The following DYTN variants were observed in gnomAD, a reference collection of about 807,000 sequenced individuals.
DYTN encodes dystrotelin.
DYTN carries 75 observed loss-of-function variants against 69.6 expected under a neutral mutation model. That is an observed-to-expected ratio of 1.08 (90% CI 0.89 to 1.31). DYTN has a LOEUF of 1.31. Among genes scored for constraint, DYTN ranks in the 50% most tolerant of loss-of-function variants. The pLI, the probability that DYTN is intolerant of heterozygous loss-of-function variation, is 0.00. For synonymous variants in DYTN, 252 were observed against 249.1 expected (o/e 1.01, Z -0.11); for missense variants, 726 against 688.4 (o/e 1.05, Z -0.61).
chr2:206,653,370 A>G (rs1159157333), intron 11 of DYTN, among the ~76,000 whole-genome samples: 1 of 152,212 alleles, frequency 6.6e-6, no homozygotes, highest in Non-Finnish European at 1.5e-5. Flanking sequence ...GTTGCTTGGC[A>G]TATATTTGGA....
rs35200393 is a variant in DYTN at position 206,666,860 on chromosome 2, T to TACACACAC, written c.981-839_981-832dup. Among the ~76,000 whole-genome samples, 1,009 of 137,542 alleles carry TACACACAC rather than the reference T, an allele frequency of 7.3e-3. 18 individuals carry two copies. Among genetic ancestry groups the TACACACAC allele is most frequent in the African/African-American group, 0.025 (929 of 37,422 alleles). 90.2% of individuals were successfully genotyped at this position (137,542 alleles called of 152,430 possible). ...AGGCAACATGGCAAGACCTCATCTC[T>TACACACAC]ACACACACACACACACACACACACA... On this transcript the variant is annotated intron_variant, in intron 9 of 11. Transcript: ENST00000452335.
Position 206,699,833 on chromosome 2 carries a change from G to A in DYTN, c.613C>T (p.Pro205Ser), listed in dbSNP as rs765661336. 2 of 1,613,778 alleles carry A rather than the reference G, an allele frequency of 1.2e-6. No homozygotes were observed. The highest frequency in any genetic ancestry group is 2.7e-5 in the African/African-American group (2 of 74,922). Residue 205 changes from proline (P) to serine (S), a missense_variant, in exon 7 of 12, where the codon CCC (proline) becomes TCC (serine). Physicochemically the swap from Pro to Ser is moderately conservative, Grantham distance 74 (BLOSUM62 -1). Transcript: ENST00000452335. ...CAGGTCGGGAGCCACAGGAGGATGG[G>A]AGGCTCAGATTGGACCCAAGACAGG... ...KFLSWVQSEP[P>S]ILLWLPTCHR...
chr2:206,656,744 C>T (rs1699453859), intron 11 of DYTN, among the ~76,000 whole-genome samples: 1 of 151,448 alleles, frequency 6.6e-6, no homozygotes, highest in Non-Finnish European at 1.5e-5. Flanking sequence ...TTTTAGTTCC[C>T]ATACACTTTT....
At chr2:206,685,284 C>T (rs1207724443) in intron 9 of DYTN, among the ~76,000 whole-genome samples, 4 of 152,062 alleles carry the variant, frequency 2.6e-5, no homozygotes, top group Non-Finnish European at 5.9e-5. Flanking sequence ...ATCTCAGCCA[C>T]CTGAATAGCG....
intron 1 of DYTN, among the ~76,000 whole-genome samples, chr2:206,711,633 G>A (rs1004128806): frequency 7.3e-5 from 11 of 151,244 alleles, no homozygotes; most frequent in Non-Finnish European, 1.5e-4. Flanking sequence ...TGTGCACAAT[G>A]TGCAGGTTAG....
At position 206,713,283 on chromosome 2, in the gene DYTN, A is replaced by G. The variant is rs138698923; in HGVS notation, c.20-2685T>C. On this transcript the variant is annotated intron_variant, in intron 1 of 11. Coordinates refer to ENST00000452335, the MANE Select transcript of DYTN (RefSeq NM_001093730.1). ...TCTATTCTCTTAGCAATTTTCAAGAATATAATACATTGTTATTAACTATAG... is the reference window on the plus strand; with the variant it reads ...TCTATTCTCTTAGCAATTTTCAAGAGTATAATACATTGTTATTAACTATAG... Among the ~76,000 whole-genome samples the G allele has an allele frequency of 7.9e-5, 12 of 152,324 alleles. No homozygotes were observed. The East Asian group carries it at 1.9e-3, about 24-fold the overall frequency.
chr2:206,673,007 C>T (rs897025454), intron 9 of DYTN, among the ~76,000 whole-genome samples: 8 of 152,134 alleles, frequency 5.3e-5, no homozygotes, highest in African/African-American at 1.9e-4. Context: ...ATGGGGGTTG[C>T]TGTACAGATT....
At chr2:206,666,460 C>T (rs1458075643) in intron 9 of DYTN, among the ~76,000 whole-genome samples, 1 of 152,134 alleles carries the variant, frequency 6.6e-6, no homozygotes, top group East Asian at 1.9e-4. Flanking sequence ...TTTCAGAAAA[C>T]TCACCACGCA....
intron 9 of DYTN, among the ~76,000 whole-genome samples, chr2:206,689,459 G>T (rs1699842341): frequency 6.6e-6 from 1 of 152,124 alleles, no homozygotes; most frequent in Non-Finnish European, 1.5e-5. Flanking sequence ...AAAGTCTAGG[G>T]TACACTGAAA....
At chr2:206,672,037 A>G (rs1445018940) in intron 9 of DYTN, among the ~76,000 whole-genome samples, 1 of 152,218 alleles carries the variant, frequency 6.6e-6, no homozygotes, top group Non-Finnish European at 1.5e-5. Flanking sequence ...GCATGCGCGT[A>G]CACACATACA....
intron 9 of DYTN, among the ~76,000 whole-genome samples, chr2:206,670,738 T>C (rs191859699): frequency 6.6e-6 from 1 of 152,312 alleles, no homozygotes; most frequent in Non-Finnish European, 1.5e-5. Flanking sequence ...ATGCTCAAAG[T>C]ACAACTGCAT....
At chr2:206,670,666 T>A (rs893010089) in intron 9 of DYTN, 1 of 152,208 alleles carries the variant, frequency 6.6e-6, no homozygotes, top group Non-Finnish European at 1.5e-5. Flanking sequence ...AGAAATTCAA[T>A]CTATTTCAAA....
At chr2:206,711,709 G>A (rs7566632) in intron 1 of DYTN, among the ~76,000 whole-genome samples, 122,308 of 151,012 alleles carry the variant, frequency 0.81, 50,236 homozygotes, top group African/African-American at 0.93. Flanking sequence ...AACATTAGGT[G>A]TATCTCCCAA....
intron 1 of DYTN, among the ~76,000 whole-genome samples, chr2:206,713,111 A>G (rs1410265165): frequency 1.3e-5 from 2 of 152,168 alleles, no homozygotes; most frequent in African/African-American, 4.8e-5. Context: ...ATTTATTTTC[A>G]TTTGTTTTAA....
intron 9 of DYTN, among the ~76,000 whole-genome samples, chr2:206,685,895 T>C (rs996848530): frequency 2.0e-5 from 3 of 151,046 alleles, no homozygotes; most frequent in African/African-American, 7.3e-5. Flanking sequence ...CTTACTCCTA[T>C]AAGAGCAAGG....
chr2:206,666,877 AC>A (rs1281183136), intron 9 of DYTN, among the ~76,000 whole-genome samples: 4 of 151,528 alleles, frequency 2.6e-5, no homozygotes, highest in African/African-American at 9.7e-5. Context: ...ACACACACAC[AC>A]ACACACACAC....
intron 1 of DYTN, among the ~76,000 whole-genome samples, chr2:206,713,761 G>A (rs545183384): frequency 5.3e-5 from 8 of 152,314 alleles, no homozygotes; most frequent in South Asian, 2.1e-4. Flanking sequence ...ACCCAGAAAC[G>A]CTCATTCTGA....
chr2:206,679,567 T>C (rs986665805), intron 9 of DYTN, among the ~76,000 whole-genome samples: 5 of 152,224 alleles, frequency 3.3e-5, no homozygotes, highest in Non-Finnish European at 5.9e-5. Context: ...AGGTATATTC[T>C]GTTATACAAT....
chr2:206,695,345 G>A (rs1460396400), intron 7 of DYTN, among the ~76,000 whole-genome samples: 1 of 152,178 alleles, frequency 6.6e-6, no homozygotes, highest in African/African-American at 2.4e-5. Flanking sequence ...TATTGGGCCT[G>A]TATTCCTGAG....
Sources: allele counts gnomAD v4.1 joint callset (sites outside exome capture counted in the v4.1 genomes callset), GRCh38; gene constraint gnomAD v4.1.1; transcripts MANE v1.5; gene names NCBI Gene and HGNC (gene_info 2026-07-23, HGNC 2026-07-21).